Variants in SLC6A16 observed in about 807,000 individuals in gnomAD.
SLC6A16 encodes the protein solute carrier family 6 member 16.
In SLC6A16, 54 loss-of-function variants were observed where a neutral mutation model predicts 65.4. That is an observed-to-expected ratio of 0.83 (90% confidence interval 0.66 to 1.04). The LOEUF (loss-of-function observed/expected upper bound fraction) is 1.04, where lower values mean the gene tolerates loss of function less well. Ranked by LOEUF, SLC6A16 falls within the 50% of genes least tolerant of loss-of-function variation. The probability of loss-of-function intolerance (pLI) is 0.00; values close to 1 mark genes in which losing one functional copy is unlikely to be tolerated. For missense variants in SLC6A16, 816 were observed against 914.0 expected (o/e 0.89, Z 1.38); for synonymous variants, 330 against 346.5 (o/e 0.95, Z 0.53).
At chr19:49,296,474 T>TC (rs1970188700) in intron 7 of SLC6A16, among the ~76,000 whole-genome samples, 1 of 152,042 alleles carries the variant, frequency 6.6e-6, no homozygotes, top group Non-Finnish European at 1.5e-5. Flanking sequence ...TGATACTGAG[T>TC]AGAGCCCAGA....
intron 10 of SLC6A16, among the ~76,000 whole-genome samples, chr19:49,291,613 T>C (rs542962996): frequency 6.6e-6 from 1 of 152,166 alleles, no homozygotes; most frequent in East Asian, 1.9e-4. Context: ...CCCTGAATTA[T>C]ACCAGGAACT....
chr19:49,306,841 T>C (rs1392174602), intron 7 of SLC6A16, among the ~76,000 whole-genome samples: 1 of 151,788 alleles, frequency 6.6e-6, no homozygotes, highest in Non-Finnish European at 1.5e-5. Context: ...CGCACCCGGC[T>C]TGTTTTTCTT....
chr19:49,303,364 G>A (rs1247047815), intron 7 of SLC6A16, among the ~76,000 whole-genome samples: 1 of 152,170 alleles, frequency 6.6e-6, no homozygotes, highest in Non-Finnish European at 1.5e-5. Context: ...TAAAAAGTAT[G>A]TAGGCCGGGC....
the SLC6A16 span, chr19:49,337,145 A>G: frequency 1.2e-6 from 2 of 1,614,186 alleles, no homozygotes; most frequent in Non-Finnish European, 1.7e-6. Flanking sequence ...TCTGCTCCCC[A>G]GTATTTTGGG....
At chr19:49,290,494 A>G (rs1310789508) in intron 11 of SLC6A16, 102 bp from the exon 12 acceptor site, 17 of 1,560,018 alleles carry the variant, frequency 1.1e-5, no homozygotes, top group Non-Finnish European at 1.5e-5. Context: ...CAGAAAACCC[A>G]TGAGTCTTCG....
At chr19:49,313,268 T>A (rs890021902) in intron 1 of SLC6A16, among the ~76,000 whole-genome samples, 1 of 152,022 alleles carries the variant, frequency 6.6e-6, no homozygotes, top group Non-Finnish European at 1.5e-5. Flanking sequence ...GTTCAAAGGA[T>A]CCTCTCACCT....
At chr19:49,294,049 T>G (rs1289141017) in intron 8 of SLC6A16, 21 bp from the exon 9 acceptor site, 2 of 1,596,716 alleles carry the variant, frequency 1.3e-6, no homozygotes, top group Non-Finnish European at 1.7e-6. Flanking sequence ...AACAAAGAGG[T>G]GTTAAAGTGT....
the SLC6A16 span, chr19:49,336,972 T>C: frequency 6.2e-7 from 1 of 1,614,084 alleles, no homozygotes; most frequent in African/African-American, 1.3e-5. Context: ...ATCTTCACCA[T>C]GGGCATCGCC....
the SLC6A16 span, among the ~76,000 whole-genome samples, chr19:49,334,392 G>A: frequency 1.1e-3 from 173 of 152,162 alleles, 1 homozygote; most frequent in Non-Finnish European, 2.1e-3. Context: ...AGGCTGAGGT[G>A]CAAGGATTGC....
chr19:49,339,589 G>C, the SLC6A16 span: 1 of 1,448,246 alleles, frequency 6.9e-7, no homozygotes. This position sits in a 1 kb window ranked among gnomAD's most constrained non-coding sequence, Gnocchi z 4.5. Context: ...GCTTCAGGGA[G>C]CCCTGATTGG....
At chr19:49,339,016 C>A in the SLC6A16 span, 2 of 1,153,000 alleles carry the variant, frequency 1.7e-6, no homozygotes, top group Non-Finnish European at 2.6e-6. The surrounding 1 kb of genome is among the most constrained non-coding windows in gnomAD (Gnocchi z 4.5). Flanking sequence ...GAGTAGCGGC[C>A]TGAGAAAGGG....
upstream of SLC6A16, among the ~76,000 whole-genome samples, chr19:49,328,571 AGTG>A (rs1199675177): frequency 6.6e-6 from 1 of 152,192 alleles, no homozygotes; most frequent in Non-Finnish European, 1.5e-5. Flanking sequence ...GATGGTGAAA[AGTG>A]GTCAAATTCT....
rs764948907 is a variant in SLC6A16 at position 49,290,434 on chromosome 19, C to A, written c.1942-42G>T. On this transcript the variant is annotated intron_variant, in intron 11 of 11. Coordinates refer to ENST00000335875, the MANE Select transcript of SLC6A16 (RefSeq NM_014037.3). ...AAAGGGTTCAGAATATCAAAATCCC[C>A]AAGAGAAAAGGAAGAGTTGTGGAGG... The A allele has an allele frequency of 1.9e-6, 3 of 1,590,078 alleles. No individual in the cohort carries two copies. The Admixed American group carries it at 5.2e-5, about 28-fold the overall frequency.
At chr19:49,309,887 C>T (rs1970477914) in intron 4 of SLC6A16, 61 bp from the exon 5 acceptor site, 1 of 1,564,054 alleles carries the variant, frequency 6.4e-7, no homozygotes, top group Non-Finnish European at 8.8e-7. Context: ...CTTCCTTATC[C>T]CCTCCCCCAC....
chr19:49,294,072 C>T, intron 8 of SLC6A16, 44 bp from the exon 9 acceptor site: 3 of 1,510,632 alleles, frequency 2.0e-6, no homozygotes, highest in South Asian at 2.3e-5. Context: ...TTGAACTAAA[C>T]AATAACAAAA....
intron 1 of SLC6A16, among the ~76,000 whole-genome samples, chr19:49,318,296 C>G (rs531784164): frequency 6.6e-6 from 1 of 152,126 alleles, no homozygotes; most frequent in Admixed American, 6.5e-5. Flanking sequence ...TTACTGAATA[C>G]TTGGAACATT....
At chr19:49,335,961 T>C in the SLC6A16 span, 1 of 640,046 alleles carries the variant, frequency 1.6e-6, no homozygotes, top group East Asian at 2.6e-5. This position sits in a 1 kb window ranked among gnomAD's most constrained non-coding sequence, Gnocchi z 4.6. Flanking sequence ...AATGGGGTTG[T>C]GCATACAAAC....
chr19:49,338,658 T>A, the SLC6A16 span: 1 of 1,429,764 alleles, frequency 7.0e-7, no homozygotes, highest in Non-Finnish European at 9.8e-7. This position sits in a 1 kb window ranked among gnomAD's most constrained non-coding sequence, Gnocchi z 5.0. Flanking sequence ...CAACATCATA[T>A]GTCTCCAGTC....
the SLC6A16 span, chr19:49,339,323 C>T: frequency 3.7e-4 from 591 of 1,612,550 alleles, 5 homozygotes; most frequent in African/African-American, 7.2e-3. This position sits in a 1 kb window ranked among gnomAD's most constrained non-coding sequence, Gnocchi z 4.5. Context: ...TTCCCTACAC[C>T]CCCCAGGGCT....
Sources: allele counts gnomAD v4.1 joint callset (sites outside exome capture counted in the v4.1 genomes callset), GRCh38; gene constraint gnomAD v4.1.1; non-coding constraint Gnocchi (gnomAD v3.1); transcripts MANE v1.5; gene names NCBI Gene and HGNC (gene_info 2026-07-23, HGNC 2026-07-21).